HPSE2: variants seen among roughly 807,000 people sequenced by gnomAD.
The protein encoded by HPSE2 is heparanase 2 (inactive).
A neutral mutation model predicts 60.5 loss-of-function variants in HPSE2; 38 were observed. The ratio of observed to expected loss-of-function variants is 0.63; its 90% confidence interval spans 0.48 to 0.82. The LOEUF (loss-of-function observed/expected upper bound fraction) is 0.82. HPSE2 is among the 40% of genes least tolerant of loss of function. HPSE2 has a pLI of 0.00. For synonymous variants in HPSE2, 295 were observed against 293.2 expected (o/e 1.01, Z -0.06); for missense variants, 713 against 740.4 (o/e 0.96, Z 0.43).
rs562946052 is a variant in HPSE2 at position 99,169,504 on chromosome 10, C to CAAAAAAAAAAAAAAAAAAA, written c.449-25124_449-25106dup. 3.7e-5 allele frequency among the ~76,000 whole-genome samples: 2 copies of CAAAAAAAAAAAAAAAAAAA among 54,734 alleles called. 1 individual carries two copies. Among genetic ancestry groups the CAAAAAAAAAAAAAAAAAAA allele is most frequent in the Admixed American group, 7.0e-4 (2 of 2,860 alleles). 35.9% of individuals were successfully genotyped at this position (54,734 alleles called of 152,430 possible). A position where few individuals can be genotyped will look rare whatever the true frequency, so the allele number is the denominator to read the frequency against. Reference sequence around the variant, plus strand: ...TGGGTGACAGAGCAAGACTCCGTCTCAAAAAAAAAAAAAAAAAAAAAAAAA... The same window carrying CAAAAAAAAAAAAAAAAAAA: ...TGGGTGACAGAGCAAGACTCCGTCTCAAAAAAAAAAAAAAAAAAAAAAAAAAAAAAAAAAAAAAAAAAAA... On this transcript the variant is annotated intron_variant, in intron 2 of 11. Transcript: ENST00000370552.
At chr10:99,028,921 T>G (rs1345314351) in intron 3 of HPSE2, among the ~76,000 whole-genome samples, 2 of 152,136 alleles carry the variant, frequency 1.3e-5, no homozygotes, top group East Asian at 3.8e-4. Flanking sequence ...CTGAGAAAAG[T>G]GAATGTCCAT....
chr10:98,608,730 G>A (rs1053267821), intron 9 of HPSE2, among the ~76,000 whole-genome samples: 3 of 152,098 alleles, frequency 2.0e-5, no homozygotes, highest in African/African-American at 7.2e-5. Flanking sequence ...CTTTGTCAGG[G>A]CCCCTAATGG....
intron 3 of HPSE2, among the ~76,000 whole-genome samples, chr10:99,089,986 G>C (rs1036971473): frequency 3.3e-5 from 5 of 152,114 alleles, no homozygotes; most frequent in Admixed American, 6.5e-5. Context: ...ATTGCTGTTG[G>C]TGTATAGCAG....
chr10:98,515,657 G>A (rs917935124), intron 9 of HPSE2, among the ~76,000 whole-genome samples: 1 of 152,142 alleles, frequency 6.6e-6, no homozygotes, highest in Non-Finnish European at 1.5e-5. Flanking sequence ...CAGGATTACA[G>A]AGCATTTTCT....
At chr10:98,577,074 C>A (rs1251855728) in intron 9 of HPSE2, among the ~76,000 whole-genome samples, 1 of 151,996 alleles carries the variant, frequency 6.6e-6, no homozygotes, top group Admixed American at 6.6e-5. Context: ...CTGTTCACTT[C>A]TGCAACTCCA....
intron 3 of HPSE2, among the ~76,000 whole-genome samples, chr10:98,952,055 G>A (rs1480158370): frequency 6.6e-6 from 1 of 152,124 alleles, no homozygotes; most frequent in Admixed American, 6.5e-5. Context: ...CCAAATGATG[G>A]CAGATTTGAA....
At chr10:99,126,000 G>A (rs1433678747) in intron 3 of HPSE2, among the ~76,000 whole-genome samples, 2 of 152,172 alleles carry the variant, frequency 1.3e-5, no homozygotes, top group Non-Finnish European at 2.9e-5. Context: ...GGGGACTGCT[G>A]CAGATAACGA....
At chr10:98,483,613 T>C (rs115597976) in intron 10 of HPSE2, among the ~76,000 whole-genome samples, 1 of 152,204 alleles carries the variant, frequency 6.6e-6, no homozygotes, top group African/African-American at 2.4e-5. Context: ...CCCTACTAAG[T>C]GATCGCGTGA....
At chr10:99,031,994 G>A (rs781039100) in intron 3 of HPSE2, among the ~76,000 whole-genome samples, 5 of 152,168 alleles carry the variant, frequency 3.3e-5, no homozygotes, top group Admixed American at 6.5e-5. Context: ...CACAAAATAT[G>A]CATGAATCAA....
intron 4 of HPSE2, 108 bp downstream of exon 4, chr10:98,743,775 G>A (rs1205055120): frequency 8.7e-6 from 9 of 1,033,910 alleles, no homozygotes; most frequent in South Asian, 2.6e-5. Context: ...CATCACAAAC[G>A]TTTTCTGGGC....
intron 3 of HPSE2, among the ~76,000 whole-genome samples, chr10:98,815,068 G>T (rs1239176966): frequency 6.6e-6 from 1 of 152,166 alleles, no homozygotes; most frequent in South Asian, 2.1e-4. Flanking sequence ...AGGAATTCTA[G>T]ACCAGCCCAG....
At chr10:99,233,183 A>C (rs1204506896) in intron 1 of HPSE2, among the ~76,000 whole-genome samples, 2 of 140,518 alleles carry the variant, frequency 1.4e-5, no homozygotes, top group Non-Finnish European at 3.1e-5. Context: ...CTTTCCAAGA[A>C]CACTTCTCCA....
chr10:99,248,768 G>A, the HPSE2 span, among the ~76,000 whole-genome samples: 1 of 152,190 alleles, frequency 6.6e-6, no homozygotes, highest in Admixed American at 6.5e-5. Context: ...ATGGTTTTGT[G>A]GGCCAGACCC....
chr10:99,086,845 T>C (rs956562519), intron 3 of HPSE2, among the ~76,000 whole-genome samples: 18 of 152,192 alleles, frequency 1.2e-4, no homozygotes, highest in African/African-American at 3.9e-4. Context: ...CTTCTGAGGA[T>C]TGACAAGAGC....
At position 98,951,450 on chromosome 10, in the gene HPSE2, C is replaced by T. The variant is rs146531671; in HGVS notation, c.610+192788G>A. On this transcript the variant is annotated intron_variant, in intron 3 of 11. Transcript: ENST00000370552. ...CCTCCTTTGCATGCAAGAAAAGGGTCTGCTTTGGAGAAGCACCAGGGAAGT... is the reference window on the plus strand; with the variant it reads ...CCTCCTTTGCATGCAAGAAAAGGGTTTGCTTTGGAGAAGCACCAGGGAAGT... 2.9e-3 allele frequency among the ~76,000 whole-genome samples: 435 copies of T among 152,198 alleles called. 3 individuals carry two copies. Among genetic ancestry groups the T allele is most frequent in the African/African-American group, 1.0e-2 (414 of 41,528 alleles).
chr10:98,545,780 A>G (rs1943650736), intron 9 of HPSE2, among the ~76,000 whole-genome samples: 1 of 151,452 alleles, frequency 6.6e-6, no homozygotes, highest in South Asian at 2.1e-4. Flanking sequence ...CCTATTCAAC[A>G]TAGTGTTGGA....
intron 3 of HPSE2, among the ~76,000 whole-genome samples, chr10:99,102,259 A>G (rs1844031460): frequency 6.6e-6 from 1 of 152,192 alleles, no homozygotes; most frequent in Middle Eastern, 3.2e-3. Context: ...AAGAAAAGAG[A>G]GAAGAATCAA....
chr10:98,726,496 GA>G (rs1197250622), intron 4 of HPSE2, among the ~76,000 whole-genome samples: 1 of 135,744 alleles, frequency 7.4e-6, no homozygotes, highest in African/African-American at 2.7e-5. Context: ...GGGGCAGGGG[GA>G]GGGGGGAGGG....
intron 3 of HPSE2, among the ~76,000 whole-genome samples, chr10:99,086,558 T>C (rs937463150): frequency 2.0e-5 from 3 of 151,476 alleles, no homozygotes; most frequent in African/African-American, 7.3e-5. Flanking sequence ...TTCACCGTTT[T>C]AGCTGGGATG....
Sources: gnomAD v4.1 joint callset for allele counts (sites outside exome capture counted in the v4.1 genomes callset) on GRCh38, gnomAD v4.1.1 for gene constraint, MANE v1.5 for transcripts, NCBI Gene and HGNC (gene_info 2026-07-23, HGNC 2026-07-21) for gene names.